Variants in RGL1 observed in about 807,000 individuals in gnomAD.
The protein encoded by RGL1 is ral guanine nucleotide dissociation stimulator-like 1.
Under a neutral mutation model 95.2 loss-of-function variants are expected in RGL1, and 24 were observed. That is an observed-to-expected ratio of 0.25 (90% CI 0.18 to 0.35). The LOEUF (loss-of-function observed/expected upper bound fraction) is 0.35. Among genes scored for constraint, RGL1 ranks in the 10% least tolerant of loss-of-function variants. The probability of loss-of-function intolerance (pLI) is 1.00; values close to 1 mark genes in which losing one functional copy is unlikely to be tolerated. For missense variants in RGL1, 715 were observed against 936.3 expected (o/e 0.76, Z 3.08); for synonymous variants, 329 against 344.9 (o/e 0.95, Z 0.51).
At chr1:183,649,453 C>A (rs1163234466) in intron 1 of RGL1, among the ~76,000 whole-genome samples, 1 of 152,184 alleles carries the variant, frequency 6.6e-6, no homozygotes, top group African/African-American at 2.4e-5. Flanking sequence ...TTGCATTTAA[C>A]ATCAACTTTC....
intron 1 of RGL1, among the ~76,000 whole-genome samples, chr1:183,712,612 G>T (rs1655354527): frequency 6.6e-6 from 1 of 152,206 alleles, no homozygotes; most frequent in Non-Finnish European, 1.5e-5. Context: ...GGCTTGGCAT[G>T]AAGCATGTTT....
chr1:183,858,260 G>A (rs985317649), intron 3 of RGL1, among the ~76,000 whole-genome samples: 3 of 152,080 alleles, frequency 2.0e-5, no homozygotes, highest in African/African-American at 7.2e-5. Context: ...GCAGTTGGTG[G>A]GAGTGATTGA....
chr1:183,749,962 A>G (rs1657889397), intron 2 of RGL1, among the ~76,000 whole-genome samples: 1 of 152,278 alleles, frequency 6.6e-6, no homozygotes, highest in Admixed American at 6.5e-5. Flanking sequence ...TTTGAGGGTA[A>G]CCTGACCTTT....
chr1:183,803,101 G>A (rs554950610), upstream of RGL1, among the ~76,000 whole-genome samples: 6 of 152,268 alleles, frequency 3.9e-5, no homozygotes, highest in Non-Finnish European at 7.4e-5. Context: ...AACAGCATTT[G>A]TACAAAATTA....
intron 7 of RGL1, among the ~76,000 whole-genome samples, chr1:183,888,090 T>C (rs914230401): frequency 7.9e-5 from 12 of 152,226 alleles, no homozygotes; most frequent in Non-Finnish European, 1.3e-4. Context: ...CAGCTCATTT[T>C]GGGATCTAAA....
intron 10 of RGL1, 134 bp downstream of exon 10, chr1:183,898,031 C>G (rs1321248186): frequency 1.5e-6 from 1 of 676,736 alleles, no homozygotes; most frequent in Non-Finnish European, 2.6e-6. Flanking sequence ...ATTCTCTACC[C>G]CATTTGTTCT....
At chr1:183,815,053 C>G (rs1661991558) in intron 2 of RGL1, among the ~76,000 whole-genome samples, 1 of 152,188 alleles carries the variant, frequency 6.6e-6, no homozygotes, top group Non-Finnish European at 1.5e-5. Flanking sequence ...GGGTGGATCA[C>G]TTGAGGTCAA....
exon 2 of RGL1, chr1:183,742,155 A>G: frequency 6.2e-7 from 1 of 1,613,866 alleles, no homozygotes; most frequent in Non-Finnish European, 8.5e-7. Context: ...TGCCTCTTTC[A>G]AGATGGAGGT....
At chr1:183,730,667 A>G (rs948710479) in intron 1 of RGL1, among the ~76,000 whole-genome samples, 5 of 152,094 alleles carry the variant, frequency 3.3e-5, no homozygotes, top group Admixed American at 6.6e-5. Flanking sequence ...AATTTTGACT[A>G]ATTGGTCCAG....
At chr1:183,855,958 A>T (rs527238819) in intron 3 of RGL1, among the ~76,000 whole-genome samples, 139 of 152,314 alleles carry the variant, frequency 9.1e-4, no homozygotes, top group African/African-American at 3.2e-3. Flanking sequence ...ATTAGCAGAG[A>T]GGGTCACTCA....
intron 1 of RGL1, among the ~76,000 whole-genome samples, chr1:183,668,402 A>C (rs56758429): frequency 0.069 from 10,457 of 151,922 alleles, 627 homozygotes; most frequent in African/African-American, 0.16. Context: ...GTTTTTGAGA[A>C]ATCATGTGTA....
chr1:183,877,162 G>C (rs573814115), intron 4 of RGL1, among the ~76,000 whole-genome samples: 2 of 152,112 alleles, frequency 1.3e-5, no homozygotes, highest in African/African-American at 4.8e-5. Flanking sequence ...GTCTCCAAGC[G>C]TCCTGTCTTG....
In RGL1 at chr1:183,903,547, G is replaced by A. The variant is rs568225116; in HGVS notation, c.1350+947G>A. On this transcript the variant is annotated intron_variant, in intron 12 of 17. Transcript: ENST00000360851. ...CTTTCACATTCCACAAATATTGACTGTCTACCTAACATGGGGGGGGTTTGG... is the reference window on the plus strand; with the variant it reads ...CTTTCACATTCCACAAATATTGACTATCTACCTAACATGGGGGGGGTTTGG... Among the ~76,000 whole-genome samples the A allele has an allele frequency of 3.7e-3, 560 of 152,164 alleles. 4 individuals are homozygous for A. Among genetic ancestry groups the A allele is most frequent in the African/African-American group, 0.011 (476 of 41,484 alleles).
At chr1:183,647,342 C>T (rs1168667903) in intron 1 of RGL1, 4 of 174,184 alleles carry the variant, frequency 2.3e-5, no homozygotes, top group Non-Finnish European at 3.6e-5. Context: ...GCTATTTTGT[C>T]CATGGGCTTT....
chr1:183,647,831 T>TA lies in RGL1; in HGVS notation c.-33+11331dup. On this transcript the variant is annotated intron_variant, in intron 1 of 18. Transcript: ENST00000304685. Reference sequence around the variant, plus strand: ...ACATTTGAGGCATATTTAAGTGCCTTACGATATTCCTGGGTTTATTTGGGT... The same window carrying TA: ...ACATTTGAGGCATATTTAAGTGCCTTAACGATATTCCTGGGTTTATTTGGGT... 3 of 1,614,196 alleles carry TA rather than the reference T, an allele frequency of 1.9e-6. No individual in the cohort carries two copies. The Admixed American group carries it at 5.0e-5, about 27-fold the overall frequency.
intron 1 of RGL1, among the ~76,000 whole-genome samples, chr1:183,655,433 C>A (rs1241430745): frequency 6.6e-6 from 1 of 152,188 alleles, no homozygotes; most frequent in African/African-American, 2.4e-5. Context: ...TTGGTTGACA[C>A]TGAACAACAA....
At chr1:183,727,116 G>T (rs553523513) in intron 1 of RGL1, among the ~76,000 whole-genome samples, 19 of 152,134 alleles carry the variant, frequency 1.2e-4, no homozygotes, top group African/African-American at 4.6e-4. Flanking sequence ...TTCAACAAAA[G>T]ATGTGCAAAC....
intron 4 of RGL1, among the ~76,000 whole-genome samples, chr1:183,877,370 T>C (rs1332771101): frequency 6.6e-6 from 1 of 152,250 alleles, no homozygotes; most frequent in African/African-American, 2.4e-5. Context: ...AGTAATCCTG[T>C]TTTTCTTTTC....
chr1:183,735,521 C>T (rs1404652266), intron 1 of RGL1, among the ~76,000 whole-genome samples: 2 of 151,968 alleles, frequency 1.3e-5, no homozygotes, highest in Admixed American at 1.3e-4. Context: ...CAGGGGAGAC[C>T]AGAGTAAGTT....
Sources: allele counts gnomAD v4.1 joint callset (sites outside exome capture counted in the v4.1 genomes callset), GRCh38; gene constraint gnomAD v4.1.1; transcripts MANE v1.5; gene names NCBI Gene and HGNC (gene_info 2026-07-23, HGNC 2026-07-21).